The following FER variants were observed in gnomAD, a reference collection of about 807,000 sequenced individuals.
FER encodes the protein tyrosine-protein kinase Fer.
A neutral mutation model predicts 111.0 loss-of-function variants in FER; 63 were observed. The ratio of observed to expected loss-of-function variants is 0.57; its 90% CI spans 0.46 to 0.70. The LOEUF (loss-of-function observed/expected upper bound fraction) is 0.70. FER is among the 30% of genes least tolerant of loss of function. The probability of loss-of-function intolerance (pLI) is 0.00; values close to 1 mark genes in which losing one functional copy is unlikely to be tolerated. For synonymous variants in FER, 327 were observed against 313.9 expected, an observed-to-expected ratio of 1.04 and a Z score of -0.44; for missense variants, 914 against 954.0, an observed-to-expected ratio of 0.96 and a Z score of 0.55.
At chr5:109,115,130 C>G (rs962192742) in intron 17 of FER, among the ~76,000 whole-genome samples, 12 of 152,074 alleles carry the variant, frequency 7.9e-5, no homozygotes, top group African/African-American at 2.9e-4. Context: ...TTAAATTTCT[C>G]AAGCCCTAAC....
rs542021500 is a variant in FER at position 109,100,644 on chromosome 5, G to T, written c.2048+125G>T. 1.7e-4 allele frequency: 160 copies of T among 953,100 alleles called. No individual in the cohort carries two copies. In the African/African-American group the frequency reaches 2.5e-3, roughly 15 times the overall value. The allele number at this position is 953,100 out of a possible 1,614,324, so 59.0% of individuals were successfully genotyped here. Reference sequence around the variant, plus strand: ...TGTCTTTTCTTGTTTTCTGTATTTTGTGTGAAAGTGTCCTCTGCTAGTTGT... The same window carrying T: ...TGTCTTTTCTTGTTTTCTGTATTTTTTGTGAAAGTGTCCTCTGCTAGTTGT... On this transcript the variant is annotated intron_variant, in intron 17 of 19. Coordinates refer to ENST00000281092, the MANE Select transcript of FER (RefSeq NM_005246.4).
At chr5:108,753,958 A>G (rs1004150038) in intron 1 of FER, among the ~76,000 whole-genome samples, 6 of 152,206 alleles carry the variant, frequency 3.9e-5, no homozygotes, top group African/African-American at 1.4e-4. Flanking sequence ...CAAGATATTT[A>G]CATGTATGAC....
At chr5:109,030,958 C>T (rs901756382) in intron 13 of FER, among the ~76,000 whole-genome samples, 1 of 151,918 alleles carries the variant, frequency 6.6e-6, no homozygotes, top group South Asian at 2.1e-4. Flanking sequence ...TAGGCTTGGT[C>T]GCTCATTTGT....
chr5:109,129,333 C>G (rs1312762591), intron 17 of FER, among the ~76,000 whole-genome samples: 6 of 151,974 alleles, frequency 3.9e-5, no homozygotes, highest in South Asian at 2.1e-4. Context: ...AAACATACAT[C>G]TTAATTTTCC....
chr5:108,799,318 T>C (rs1756381682), intron 3 of FER, among the ~76,000 whole-genome samples: 1 of 152,240 alleles, frequency 6.6e-6, no homozygotes, highest in Non-Finnish European at 1.5e-5. Flanking sequence ...GTGTCTTATT[T>C]AAATATCATA....
chr5:108,846,915 T>C (rs188975564), intron 5 of FER, among the ~76,000 whole-genome samples: 1 of 152,272 alleles, frequency 6.6e-6, no homozygotes, highest in African/African-American at 2.4e-5. Flanking sequence ...TCCTGATCAT[T>C]GTGACTAGAG....
chr5:109,128,606 C>A (rs1472909295), intron 17 of FER, among the ~76,000 whole-genome samples: 2 of 152,104 alleles, frequency 1.3e-5, no homozygotes, highest in Non-Finnish European at 2.9e-5. Flanking sequence ...CCCAGTGTAG[C>A]AATGCAGAAT....
At chr5:108,993,481 T>C (rs967432815) in intron 13 of FER, among the ~76,000 whole-genome samples, 3 of 151,778 alleles carry the variant, frequency 2.0e-5, no homozygotes, top group Admixed American at 2.0e-4. Context: ...TGAGCCGAGA[T>C]GGCAGCAGTA....
chr5:108,794,813 C>G (rs1755829680), intron 2 of FER, among the ~76,000 whole-genome samples: 1 of 152,066 alleles, frequency 6.6e-6, no homozygotes, highest in South Asian at 2.1e-4. Flanking sequence ...CTTTTAGGAT[C>G]TTTTCTTTAT....
intron 17 of FER, among the ~76,000 whole-genome samples, chr5:109,109,006 T>G (rs1192921463): frequency 6.6e-6 from 1 of 152,196 alleles, no homozygotes; most frequent in African/African-American, 2.4e-5. Flanking sequence ...AGGCTTCTCT[T>G]TTAAAGTGTT....
At chr5:108,963,869 A>T (rs1189885839) in intron 13 of FER, among the ~76,000 whole-genome samples, 4 of 152,154 alleles carry the variant, frequency 2.6e-5, no homozygotes, top group East Asian at 3.9e-4. Context: ...GTTTTAGATG[A>T]TGTAAAGACC....
intron 13 of FER, among the ~76,000 whole-genome samples, chr5:108,995,856 T>C (rs897287547): frequency 2.0e-5 from 3 of 152,236 alleles, no homozygotes; most frequent in African/African-American, 7.2e-5. Flanking sequence ...TCTTCCACAA[T>C]GGCTGAACTA....
chr5:108,831,364 A>G (rs946724228), intron 3 of FER, among the ~76,000 whole-genome samples: 1 of 152,126 alleles, frequency 6.6e-6, no homozygotes, highest in Non-Finnish European at 1.5e-5. Flanking sequence ...AAAGCTACAT[A>G]TATTATAGCC....
intron 10 of FER, among the ~76,000 whole-genome samples, chr5:108,920,415 A>C (rs2149550065): frequency 6.6e-6 from 1 of 152,264 alleles, no homozygotes; most frequent in Middle Eastern, 3.4e-3. Context: ...TTAATTTATA[A>C]AGATTGTCTT....
At chr5:109,004,600 C>T (rs1012937313) in intron 13 of FER, among the ~76,000 whole-genome samples, 1 of 152,144 alleles carries the variant, frequency 6.6e-6, no homozygotes, top group Admixed American at 6.5e-5. Context: ...ATTGAACAGA[C>T]AGGCCACAAA....
chr5:109,096,880 C>A lies in FER; in HGVS notation c.1925-3516C>A, dbSNP rs564832635. The stretch of plus-strand genomic sequence containing the variant: ...GCAAACACCAAGTCCCTACTACAAC[C>A]CTTTCTCATTTGTTTTTTACAAAAT... On this transcript the variant is annotated intron_variant, in intron 16 of 19. Coordinates refer to ENST00000281092, the MANE Select transcript of FER (RefSeq NM_005246.4). 4.0e-5 allele frequency among the ~76,000 whole-genome samples: 6 copies of A among 151,088 alleles called. No individual in the cohort carries two copies. The East Asian group carries it at 1.2e-3, about 29-fold the overall frequency.
intron 2 of FER, among the ~76,000 whole-genome samples, chr5:108,774,335 A>G (rs1406914620): frequency 6.6e-6 from 1 of 152,090 alleles, no homozygotes; most frequent in African/African-American, 2.4e-5. Context: ...TGTCTCTGCT[A>G]TTTTAAATAG....
intron 3 of FER, among the ~76,000 whole-genome samples, chr5:108,817,700 A>C (rs62363283): frequency 0.23 from 34,927 of 152,162 alleles, 4,211 homozygotes; most frequent in African/African-American, 0.28. Context: ...ACTTAAATTA[A>C]TACCTGTTTA....
intron 2 of FER, among the ~76,000 whole-genome samples, chr5:108,783,928 G>C (rs1361903354): frequency 6.6e-6 from 1 of 152,172 alleles, no homozygotes; most frequent in African/African-American, 2.4e-5. Context: ...TAGCAAAACT[G>C]GGTTTGGCTT....
Sources: gnomAD v4.1 joint callset for allele counts (sites outside exome capture counted in the v4.1 genomes callset) on GRCh38, gnomAD v4.1.1 for gene constraint, MANE v1.5 for transcripts, NCBI Gene and HGNC (gene_info 2026-07-23, HGNC 2026-07-21) for gene names.